OR1J1: variants seen among roughly 807,000 people sequenced by gnomAD.
OR1J1 encodes the protein olfactory receptor family 1 subfamily J member 1.
For synonymous variants in OR1J1, 165 were observed against 157.2 expected (o/e 1.05, Z -0.37); for missense variants, 392 against 393.9 (o/e 1.00, Z 0.04).
Position 122,477,778 on chromosome 9 carries a change from T to C in OR1J1, c.149A>G (p.Gln50Arg), listed in dbSNP as rs752411692. ...LGNLLIMLLI[Q>R]LDSHLHTPMY... Reference sequence around the variant, plus strand: ...GGGGGTGTGAAGGTGAGAGTCTAGCTGGATGAGCAGCATGATGAGCAGGTT... The same window carrying C: ...GGGGGTGTGAAGGTGAGAGTCTAGCCGGATGAGCAGCATGATGAGCAGGTT... The change falls in exon 1 of 1, where the codon CAG becomes CGG. Residue 50 changes from glutamine (Q) to arginine (R), a missense_variant. Coordinates refer to ENST00000259357, the MANE Select transcript of OR1J1 (RefSeq NM_001004451.1). The C allele has an allele frequency of 6.2e-7, 1 of 1,613,964 alleles. No individual in the cohort carries two copies. The highest frequency in any genetic ancestry group is 8.5e-7 in the Non-Finnish European group (1 of 1,180,006).
Position 122,477,782 on chromosome 9 carries a change from T to G in OR1J1, c.145A>C (p.Ile49Leu). The G allele has an allele frequency of 6.2e-7, 1 of 1,613,930 alleles. No individual in the cohort carries two copies. Among genetic ancestry groups the G allele is most frequent in the Non-Finnish European group, 8.5e-7 (1 of 1,180,020 alleles). ...VLGNLLIMLL[I>L]QLDSHLHTPM... is the part of the protein sequence containing the mutation. ...GTGTGAAGGTGAGAGTCTAGCTGGA[T>G]GAGCAGCATGATGAGCAGGTTCCCC... Residue 49 changes from isoleucine (I) to leucine (L), a missense_variant, in exon 1 of 1, where the codon ATC becomes CTC. Coordinates refer to ENST00000259357, the MANE Select transcript of OR1J1 (RefSeq NM_001004451.1).
In OR1J1 at chr9:122,477,282, C is replaced by T. The variant is rs761904902; in HGVS notation, c.645G>A (p.Leu215=). 6.2e-7 allele frequency: 1 copy of T among 1,614,112 alleles called. No homozygotes were observed. Among genetic ancestry groups the T allele is most frequent in the Non-Finnish European group, 8.5e-7 (1 of 1,180,018 alleles). The change falls in exon 1 of 1, where the codon CTG becomes CTA. Residue 215 remains leucine (L), a synonymous_variant. Transcript: ENST00000259357. ...TGACCCCAATGTGACCATAAGAAACCAGGATGCACAGGAATGGAAGCATAA... is the reference window on the plus strand; with the variant it reads ...TGACCCCAATGTGACCATAAGAAACTAGGATGCACAGGAATGGAAGCATAA... ...TAIMLPFLCI[L]VSYGHIGVTI... is the part of the protein sequence containing the mutation.
chr9:122,477,540 AG>A lies in OR1J1; in HGVS notation c.386del (p.Pro129LeufsTer8). On this transcript the variant is annotated frameshift_variant, in exon 1 of 1. Transcript: ENST00000259357. LOFTEE classifies it low-confidence loss of function (END_TRUNC). Reference protein sequence around the residue: ...AYDRYVAICHPLHYATIMTQS... With the variant: ...AYDRYVAICHXLHYATIMTQS... ...GAGTCATGATGGTGGCATAATGTAG[AG>A]GATGACAGATGGCCACATACCTGTC... 1 of 1,614,210 alleles carries A rather than the reference AG, an allele frequency of 6.2e-7. No homozygotes were observed. Among genetic ancestry groups the A allele is most frequent in the Non-Finnish European group, 8.5e-7 (1 of 1,180,018 alleles).
rs774300824 is a variant in OR1J1, at chr9:122,477,467, C to T, written c.460G>A (p.Ala154Thr). Residue 154 changes from alanine (A) to threonine (T), a missense_variant, in exon 1 of 1, where the codon GCG (alanine) becomes ACG (threonine). Physicochemically the swap from Ala to Thr is moderately conservative, Grantham distance 58. Transcript: ENST00000259357. ...AGGAGGGTATGCAAAAGAGCACACGCACAAGCGATGACCCAGGACCCAGCC... is the reference window on the plus strand; with the variant it reads ...AGGAGGGTATGCAAAAGAGCACACGTACAAGCGATGACCCAGGACCCAGCC... ...LVAGSWVIACACALLHTLLLA... is the reference protein window; with the variant it reads ...LVAGSWVIACTCALLHTLLLA... 6.2e-7 allele frequency: 1 copy of T among 1,613,836 alleles called. No individual in the cohort carries two copies. The highest frequency in any genetic ancestry group is 1.3e-5 in the African/African-American group (1 of 74,858).
chr9:122,477,733 T>A lies in OR1J1; in HGVS notation c.194A>T (p.His65Leu). The A allele has an allele frequency of 6.2e-7, 1 of 1,614,058 alleles. No homozygotes were observed. Among genetic ancestry groups the A allele is most frequent in the South Asian group, 1.1e-5 (1 of 91,076 alleles). ...AAAGGAGATGTCAGTGAGGGCCAAG[T>A]GGCTAAGGAAGAAGTACATGGGGGT... ...LHTPMYFFLS[H>L]LALTDISFSS... The change falls in exon 1 of 1, where the codon CAC becomes CTC. Residue 65 changes from histidine (H) to leucine (L), a missense_variant. By Grantham distance (99) the His-to-Leu change is moderately conservative (BLOSUM62 -3). Coordinates refer to ENST00000259357, the MANE Select transcript of OR1J1 (RefSeq NM_001004451.1).
Position 122,477,378 on chromosome 9 carries a change from G to T in OR1J1, c.549C>A (p.Ala183=), listed in dbSNP as rs138400138. The change falls in exon 1 of 1, where the codon GCC becomes GCA. Residue 183 remains alanine (A), a synonymous_variant. Transcript: ENST00000259357. ...TGTCTGAGCAGGACAACTTGAGCAGGGCACCAAGGTCACAGAAGTAGTGAG... is the reference window on the plus strand; with the variant it reads ...TGTCTGAGCAGGACAACTTGAGCAGTGCACCAAGGTCACAGAAGTAGTGAG... ...IIPHYFCDLG[A]LLKLSCSDTS... 1 of 1,614,038 alleles carries T rather than the reference G, an allele frequency of 6.2e-7. No individual in the cohort carries two copies. The highest frequency in any genetic ancestry group is 1.3e-5 in the African/African-American group (1 of 75,036).
Position 122,477,832 on chromosome 9 carries a change from A to C in OR1J1, c.95T>G (p.Leu32Arg). Residue 32 changes from leucine (L) to arginine (R), a missense_variant, in exon 1 of 1, where the codon CTG (leucine) becomes CGG (arginine). Coordinates refer to ENST00000259357, the MANE Select transcript of OR1J1 (RefSeq NM_001004451.1). The part of the protein sequence containing the change: ...EQQAVFFALF[L>R]GMYLTTVLGN... Reference sequence around the variant, plus strand: ...CAGCACCGTGGTCAGGTACATGCCCAGGAACAGGGCGAAGAACACGGCCTG... The same window carrying C: ...CAGCACCGTGGTCAGGTACATGCCCCGGAACAGGGCGAAGAACACGGCCTG... 6.2e-7 allele frequency: 1 copy of C among 1,614,062 alleles called. No individual in the cohort carries two copies. Among genetic ancestry groups the C allele is most frequent in the Non-Finnish European group, 8.5e-7 (1 of 1,180,018 alleles).
At position 122,477,817 on chromosome 9, in the gene OR1J1, G is replaced by A. The variant is rs1279787163; in HGVS notation, c.110C>T (p.Thr37Ile). The change falls in exon 1 of 1, where the codon ACC becomes ATC. Residue 37 changes from threonine to isoleucine, a missense_variant. Coordinates refer to ENST00000259357, the MANE Select transcript of OR1J1 (RefSeq NM_001004451.1). ...GATGAGCAGGTTCCCCAGCACCGTG[G>A]TCAGGTACATGCCCAGGAACAGGGC... ...FFALFLGMYL[T>I]TVLGNLLIML... 3 of 1,613,874 alleles carry A rather than the reference G, an allele frequency of 1.9e-6. No individual in the cohort carries two copies. Among genetic ancestry groups the A allele is most frequent in the Non-Finnish European group, 1.7e-6 (2 of 1,180,024 alleles).
In OR1J1 at chr9:122,477,675, G is replaced by T; in HGVS notation, c.252C>A (p.Asn84Lys). The T allele has an allele frequency of 6.2e-7, 1 of 1,614,212 alleles. No individual in the cohort carries two copies. Among genetic ancestry groups the T allele is most frequent in the Non-Finnish European group, 8.5e-7 (1 of 1,180,026 alleles). Residue 84 changes from asparagine (N) to lysine (K), a missense_variant, in exon 1 of 1, where the codon AAC becomes AAA. Physicochemically the swap from Asn to Lys is moderately conservative, Grantham distance 94 (BLOSUM62 0). Coordinates refer to ENST00000259357, the MANE Select transcript of OR1J1 (RefSeq NM_001004451.1). ...AGACGGCTAGGTGCTGAGTCTGCAT[G>T]TTCATCAGCATCTTAGGGACAGTGA... ...SSVTVPKMLMNMQTQHLAVFY... is the reference protein window; with the variant it reads ...SSVTVPKMLMKMQTQHLAVFY...
chr9:122,477,066 T>C lies in OR1J1; in HGVS notation c.861A>G (p.Pro287=). 2 of 1,614,076 alleles carry C rather than the reference T, an allele frequency of 1.2e-6. No individual in the cohort carries two copies. Among genetic ancestry groups the C allele is most frequent in the Non-Finnish European group, 1.7e-6 (2 of 1,179,942 alleles). The change falls in exon 1 of 1, where the codon CCA becomes CCG. Residue 287 remains proline, a synonymous_variant. Transcript: ENST00000259357. ...CTTTATTTCTCAGACTGTAAATGAA[T>C]GGGTTCAACATGGGAGTGACTGCTG... The part of the protein sequence containing the change: ...IYTAVTPMLN[P]FIYSLRNKDI...
rs755302547 is a variant in OR1J1 at position 122,476,997 on chromosome 9, T to C, written c.930A>G (p.Ala310=). The change falls in exon 1 of 1, where the codon GCA becomes GCG. Residue 310 remains alanine (A), a synonymous_variant. Transcript: ENST00000259357. ...TGTTGAGATTACAGGCATGAGCCAC[T>C]GCGCCTGACCTACTCAAGAGTTTTC... ...ALRKLLSRSG[A]VAHACNLNTL... is the part of the protein sequence containing the mutation. The C allele has an allele frequency of 6.3e-7, 1 of 1,598,130 alleles. No individual in the cohort carries two copies. Among genetic ancestry groups the C allele is most frequent in the South Asian group, 1.1e-5 (1 of 90,678 alleles).
Position 122,477,167 on chromosome 9 carries a change from TC to T in OR1J1, c.759del (p.Thr254GlnfsTer19), listed in dbSNP as rs1169963655. 1 of 1,614,154 alleles carries T rather than the reference TC, an allele frequency of 6.2e-7. No individual in the cohort carries two copies. The highest frequency in any genetic ancestry group is 8.5e-7 in the Non-Finnish European group (1 of 1,180,018). Reference protein sequence around the residue: ...SHLSVVTIYYRTIIGLYFLPP... With the variant: ...SHLSVVTIYYXTIIGLYFLPP... Reference sequence around the variant, plus strand: ...GGAAGAAAATAGAGACCAATAATTGTCCGATAATAGATAGTCACCACTGAGA... The same window carrying T: ...GGAAGAAAATAGAGACCAATAATTGTCGATAATAGATAGTCACCACTGAGA... On this transcript the variant is annotated frameshift_variant, in exon 1 of 1. Coordinates refer to ENST00000259357, the MANE Select transcript of OR1J1 (RefSeq NM_001004451.1). LOFTEE classifies it low-confidence loss of function (END_TRUNC).
Position 122,477,333 on chromosome 9 carries a change from T to C in OR1J1, c.594A>G (p.Ala198=). 6.2e-7 allele frequency: 1 copy of C among 1,614,122 alleles called. No individual in the cohort carries two copies. The change falls in exon 1 of 1, where the codon GCA becomes GCG. Residue 198 remains alanine, a synonymous_variant. Coordinates refer to ENST00000259357, the MANE Select transcript of OR1J1 (RefSeq NM_001004451.1). ...SCSDTSLNQL[A]IFTAALTAIM... ...TGGCTGTCAATGCTGCTGTAAAGAT[T>C]GCTAACTGATTGAGGGAGGTGTCTG... is the stretch of plus-strand genomic sequence containing the variant.
Position 122,477,395 on chromosome 9 carries a change from A to C in OR1J1, c.532T>G (p.Phe178Val). 1.9e-6 allele frequency: 3 copies of C among 1,614,088 alleles called. No individual in the cohort carries two copies. The highest frequency in any genetic ancestry group is 8.5e-7 in the Non-Finnish European group (1 of 1,179,994). Reference protein sequence around the residue: ...FCADHIIPHYFCDLGALLKLS... With the variant: ...FCADHIIPHYVCDLGALLKLS... Reference sequence around the variant, plus strand: ...TTGAGCAGGGCACCAAGGTCACAGAAGTAGTGAGGGATGATGTGGTCAGCA... The same window carrying C: ...TTGAGCAGGGCACCAAGGTCACAGACGTAGTGAGGGATGATGTGGTCAGCA... Residue 178 changes from phenylalanine to valine, a missense_variant, in exon 1 of 1, where the codon TTC (phenylalanine) becomes GTC (valine). Phe to Val is a conservative substitution (Grantham distance 50). Coordinates refer to ENST00000259357, the MANE Select transcript of OR1J1 (RefSeq NM_001004451.1).
rs1839580539 is a variant in OR1J1, at chr9:122,477,343, TTGAG to T, written c.580_583del (p.Leu194IlefsTer3). ...TGCTGCTGTAAAGATTGCTAACTGA[TTGAG>T]GGAGGTGTCTGAGCAGGACAACTTG... On this transcript the variant is annotated frameshift_variant, in exon 1 of 1. Transcript: ENST00000259357. LOFTEE classifies it low-confidence loss of function (END_TRUNC). The T allele has an allele frequency of 6.2e-7, 1 of 1,613,850 alleles. No homozygotes were observed.
Position 122,477,827 on chromosome 9 carries a change from T to C in OR1J1, c.100A>G (p.Met34Val), listed in dbSNP as rs1839593717. 5 of 1,613,976 alleles carry C rather than the reference T, an allele frequency of 3.1e-6. No homozygotes were observed. Among genetic ancestry groups the C allele is most frequent in the Non-Finnish European group, 3.4e-6 (4 of 1,180,016 alleles). The change falls in exon 1 of 1, where the codon ATG becomes GTG. Residue 34 changes from methionine (M) to valine (V), a missense_variant. Physicochemically the swap from Met to Val is conservative, Grantham distance 21. Transcript: ENST00000259357. ...QAVFFALFLGMYLTTVLGNLL... is the reference protein window; with the variant it reads ...QAVFFALFLGVYLTTVLGNLL... ...TTCCCCAGCACCGTGGTCAGGTACA[T>C]GCCCAGGAACAGGGCGAAGAACACG...
rs1011357947 is a variant in OR1J1 at position 122,477,109 on chromosome 9, A to G, written c.818T>C (p.Ile273Thr). 5.0e-6 allele frequency: 8 copies of G among 1,613,780 alleles called. No homozygotes were observed. The highest frequency in any genetic ancestry group is 2.7e-5 in the African/African-American group (2 of 74,920). ...PSSNTNDKNI[I>T]ASVIYTAVTP... ...GACTGCTGTGTATATCACTGAAGCA[A>G]TTATGTTCTTGTCATTGGTGTTGCT... is the stretch of plus-strand genomic sequence containing the variant. The change falls in exon 1 of 1, where the codon ATT (isoleucine) becomes ACT (threonine). Residue 273 changes from isoleucine to threonine, a missense_variant. Transcript: ENST00000259357.
At position 122,477,343 on chromosome 9, in the gene OR1J1, T is replaced by C; in HGVS notation, c.584A>G (p.Asn195Ser). The change falls in exon 1 of 1, where the codon AAT (asparagine) becomes AGT (serine). Residue 195 changes from asparagine to serine, a missense_variant. Coordinates refer to ENST00000259357, the MANE Select transcript of OR1J1 (RefSeq NM_001004451.1). ...TGCTGCTGTAAAGATTGCTAACTGA[T>C]TGAGGGAGGTGTCTGAGCAGGACAA... ...LKLSCSDTSL[N>S]QLAIFTAALT... The C allele has an allele frequency of 1.2e-6, 2 of 1,613,850 alleles. No individual in the cohort carries two copies. The highest frequency in any genetic ancestry group is 1.7e-6 in the Non-Finnish European group (2 of 1,179,874).
chr9:122,477,473 C>T lies in OR1J1; in HGVS notation c.454G>A (p.Ala152Thr), dbSNP rs143862742. 20 of 1,614,002 alleles carry T rather than the reference C, an allele frequency of 1.2e-5. No individual in the cohort carries two copies. The highest frequency in any genetic ancestry group is 1.7e-4 in the Middle Eastern group (1 of 6,060). Residue 152 changes from alanine to threonine, a missense_variant, in exon 1 of 1, where the codon GCT (alanine) becomes ACT (threonine). Transcript: ENST00000259357. ...GTATGCAAAAGAGCACACGCACAAG[C>T]GATGACCCAGGACCCAGCCACCAGC... is the stretch of plus-strand genomic sequence containing the variant. The part of the protein sequence containing the change: ...VMLVAGSWVI[A>T]CACALLHTLL...
Sources: gnomAD v4.1 joint callset for allele counts on GRCh38, gnomAD v4.1.1 for gene constraint, MANE v1.5 for transcripts, NCBI Gene and HGNC (gene_info 2026-07-23, HGNC 2026-07-21) for gene names.